Variants in FBXO11 observed in about 807,000 individuals in gnomAD.
FBXO11 encodes the protein F-box only protein 11.
Under a neutral mutation model 117.0 loss-of-function variants are expected in FBXO11, and 13 were observed. That is an observed-to-expected ratio of 0.11 (90% CI 0.07 to 0.18). The LOEUF (loss-of-function observed/expected upper bound fraction) is 0.18. FBXO11 is among the 10% of genes least tolerant of loss of function. The pLI is 1.00. For synonymous variants in FBXO11, 490 were observed against 380.5 expected, an observed-to-expected ratio of 1.29 and a Z score of -3.35; for missense variants, 767 against 1,164.4, an observed-to-expected ratio of 0.66 and a Z score of 4.97.
intron 4 of FBXO11, among the ~76,000 whole-genome samples, chr2:47,836,366 T>G (rs1353409020): frequency 6.6e-6 from 1 of 152,182 alleles, no homozygotes; most frequent in Non-Finnish European, 1.5e-5. Context: ...GGAAATTATG[T>G]TTTTTTCCTT....
chr2:47,847,790 T>C (rs1673533952), intron 1 of FBXO11, among the ~76,000 whole-genome samples: 1 of 152,020 alleles, frequency 6.6e-6, no homozygotes, highest in South Asian at 2.1e-4. Context: ...CATTGTTATG[T>C]GGTGCGTGAC....
intron 1 of FBXO11, among the ~76,000 whole-genome samples, chr2:47,894,339 A>G (rs192469963): frequency 6.6e-6 from 1 of 152,248 alleles, no homozygotes; most frequent in African/African-American, 2.4e-5. Flanking sequence ...AGGGTAGTCA[A>G]GAATATGCAG....
chr2:47,893,986 A>G (rs1282769776), intron 1 of FBXO11, among the ~76,000 whole-genome samples: 1 of 152,242 alleles, frequency 6.6e-6, no homozygotes, highest in Non-Finnish European at 1.5e-5. Context: ...GGACTGCTTA[A>G]GTGCTGAAAG....
intron 18 of FBXO11, among the ~76,000 whole-genome samples, chr2:47,812,301 CAG>C (rs1287447223): frequency 2.0e-5 from 3 of 152,182 alleles, no homozygotes; most frequent in African/African-American, 7.2e-5. Flanking sequence ...GGTGTTAAAT[CAG>C]TATCTAAAGA....
chr2:47,869,779 T>C (rs1221456653), intron 1 of FBXO11, among the ~76,000 whole-genome samples: 1 of 152,240 alleles, frequency 6.6e-6, no homozygotes. Flanking sequence ...GGGCAAGGGT[T>C]AGTACACTTT....
intron 12 of FBXO11, 57 bp from the exon 13 acceptor site, chr2:47,822,360 T>C: frequency 4.4e-6 from 5 of 1,132,008 alleles, no homozygotes; most frequent in Non-Finnish European, 6.5e-6. Context: ...ACTTACTTGT[T>C]TTATACAACG....
intron 11 of FBXO11, among the ~76,000 whole-genome samples, chr2:47,825,748 T>C (rs1671706799): frequency 6.6e-6 from 1 of 151,998 alleles, no homozygotes; most frequent in African/African-American, 2.4e-5. Context: ...GGCCAATTTT[T>C]GTGTTTTTAG....
intron 1 of FBXO11, among the ~76,000 whole-genome samples, chr2:47,875,496 G>C (rs529124461): frequency 2.0e-5 from 2 of 98,132 alleles, no homozygotes; most frequent in Non-Finnish European, 4.1e-5. Flanking sequence ...TTCTTTTTTT[G>C]TCTTTTTTTT....
chr2:47,852,061 G>A (rs1187743373), intron 1 of FBXO11, among the ~76,000 whole-genome samples: 1 of 142,292 alleles, frequency 7.0e-6, no homozygotes, highest in African/African-American at 2.6e-5. Flanking sequence ...GCACTATCTT[G>A]GCTCACTGCA....
At chr2:47,845,820 A>C (rs1043668900) in intron 1 of FBXO11, among the ~76,000 whole-genome samples, 1 of 151,768 alleles carries the variant, frequency 6.6e-6, no homozygotes, top group African/African-American at 2.4e-5. Context: ...GAACCCTTTA[A>C]TTTTACTCAA....
At chr2:47,851,944 T>C (rs1673895236) in intron 1 of FBXO11, among the ~76,000 whole-genome samples, 1 of 152,166 alleles carries the variant, frequency 6.6e-6, no homozygotes. Flanking sequence ...TGCGTCTATC[T>C]TGGGCAGGGG....
intron 1 of FBXO11, among the ~76,000 whole-genome samples, chr2:47,866,428 T>A (rs945831631): frequency 6.6e-6 from 1 of 151,884 alleles, no homozygotes; most frequent in Non-Finnish European, 1.5e-5. Context: ...AAAAACTGCG[T>A]CCCAAAATGA....
At chr2:47,881,469 G>A (rs1039572234) in intron 1 of FBXO11, among the ~76,000 whole-genome samples, 3 of 152,062 alleles carry the variant, frequency 2.0e-5, no homozygotes, top group Non-Finnish European at 4.4e-5. Flanking sequence ...CATGAGTAAT[G>A]TTAAAATTAG....
chr2:47,825,412 T>C (rs76453603), intron 11 of FBXO11, among the ~76,000 whole-genome samples: 4,798 of 151,716 alleles, frequency 0.032, 110 homozygotes, highest in Non-Finnish European at 0.048. Context: ...AAACTGACCA[T>C]CAAAAAAACA....
At chr2:47,871,361 A>C (rs2103829981) in intron 1 of FBXO11, among the ~76,000 whole-genome samples, 1 of 152,322 alleles carries the variant, frequency 6.6e-6, no homozygotes, top group Middle Eastern at 3.4e-3. Flanking sequence ...CTGAAAGCAC[A>C]TACTCCAGCC....
chr2:47,809,079 C>T (rs1230629631), intron 21 of FBXO11, 79 bp downstream of exon 21: 7 of 871,066 alleles, frequency 8.0e-6, no homozygotes, highest in Non-Finnish European at 9.1e-6. Context: ...CGGCAAATAG[C>T]CAAAAATGCT....
At chr2:47,901,040 T>C (rs1462820004) in intron 1 of FBXO11, among the ~76,000 whole-genome samples, 4 of 138,350 alleles carry the variant, frequency 2.9e-5, no homozygotes, top group Admixed American at 7.1e-5. Flanking sequence ...TACACACGTG[T>C]GTACATATAT....
chr2:47,843,956 G>T (rs944680207), intron 1 of FBXO11, among the ~76,000 whole-genome samples: 5 of 152,052 alleles, frequency 3.3e-5, no homozygotes, highest in Admixed American at 6.6e-5. Flanking sequence ...GGCCAGGATG[G>T]TCTCGAACTC....
intron 4 of FBXO11, among the ~76,000 whole-genome samples, chr2:47,837,781 A>T (rs1464720652): frequency 1.3e-5 from 2 of 152,060 alleles, no homozygotes; most frequent in Non-Finnish European, 2.9e-5. Flanking sequence ...CCCAGGCTGC[A>T]GTGCAGTGGC....
Sources: allele counts gnomAD v4.1 joint callset (sites outside exome capture counted in the v4.1 genomes callset), GRCh38; gene constraint gnomAD v4.1.1; transcripts MANE v1.5; gene names NCBI Gene and HGNC (gene_info 2026-07-23, HGNC 2026-07-21).